Variants in BCL11B observed in about 807,000 individuals in gnomAD.
BCL11B encodes the protein B-cell lymphoma/leukemia 11B.
A neutral mutation model predicts 49.9 loss-of-function variants in BCL11B; 8 were observed. The observed-to-expected ratio is 0.16, with a 90% CI of 0.09 to 0.29. BCL11B has a LOEUF of 0.29. BCL11B is among the 10% of genes least tolerant of loss of function. The probability of loss-of-function intolerance (pLI) is 1.00; values close to 1 mark genes in which losing one functional copy is unlikely to be tolerated. For synonymous variants in BCL11B, 739 were observed against 637.4 expected (o/e 1.16, Z -2.40); for missense variants, 1,006 against 1,351.0 (o/e 0.74, Z 4.00).
intron 3 of BCL11B, among the ~76,000 whole-genome samples, chr14:99,189,853 C>A (rs1886970287): frequency 6.6e-6 from 1 of 152,176 alleles, no homozygotes. Flanking sequence ...CCAAGATGAC[C>A]CTTATCGGGG....
intron 2 of BCL11B, among the ~76,000 whole-genome samples, chr14:99,250,480 T>C (rs1471724778): frequency 6.6e-6 from 1 of 152,086 alleles, no homozygotes; most frequent in East Asian, 1.9e-4. Context: ...TCTCTTTGTT[T>C]CCTCAGTGAA....
intron 3 of BCL11B, among the ~76,000 whole-genome samples, chr14:99,189,638 G>A (rs1333670999): frequency 6.6e-6 from 1 of 152,200 alleles, no homozygotes; most frequent in Non-Finnish European, 1.5e-5. Context: ...TCCAGCCTGC[G>A]GCCCCAGCAG....
At position 99,268,329 on chromosome 14, in the gene BCL11B, C is replaced by T. The variant is rs1009077257; in HGVS notation, c.58+2832G>A. Among the ~76,000 whole-genome samples, 10 of 152,168 alleles carry T rather than the reference C, an allele frequency of 6.6e-5. No homozygotes were observed. In the South Asian group the frequency reaches 1.2e-3, roughly 19 times the overall value. ...AAGACCATGCGTGCTATTTGTGTGC[C>T]CTCTTGTTTCCCAGGCCATCAGTTA... On this transcript the variant is annotated intron_variant, in intron 1 of 3. Coordinates refer to ENST00000357195, the MANE Select transcript of BCL11B (RefSeq NM_138576.4).
chr14:99,229,078 G>GGATGGATGGATGGATA (rs1888247723), intron 3 of BCL11B, among the ~76,000 whole-genome samples: 1 of 148,504 alleles, frequency 6.7e-6, no homozygotes, highest in African/African-American at 2.6e-5. Context: ...ATGGATGGAT[G>GGATGGATGGATGGATA]GATGGATGGA....
chr14:99,175,380 C>G lies in BCL11B; in HGVS notation c.1456G>C (p.Gly486Arg), dbSNP rs1467652082. The change falls in exon 4 of 4, where the codon GGC becomes CGC. Residue 486 changes from glycine to arginine, a missense_variant. Transcript: ENST00000357195. ...GCCGAGAGCCCGTCGTCGGAGCGGC[C>G]GGCCAGCGAGCCGGCCTTGTGCATG... is the stretch of plus-strand genomic sequence containing the variant. ...THMHKAGSLAGRSDDGLSAAS... is the reference protein window; with the variant it reads ...THMHKAGSLARRSDDGLSAAS... 1.9e-6 allele frequency: 3 copies of G among 1,591,050 alleles called. No homozygotes were observed. In the African/African-American group the frequency reaches 4.1e-5, roughly 22 times the overall value.
Position 99,199,675 on chromosome 14 carries a change from TGTGTGTGTGC to T in BCL11B, c.641-23490_641-23481del, listed in dbSNP as rs779532543. Among the ~76,000 whole-genome samples, 233 of 84,818 alleles carry T rather than the reference TGTGTGTGTGC, an allele frequency of 2.7e-3. 1 individual carries two copies. Among genetic ancestry groups the T allele is most frequent in the African/African-American group, 9.6e-3 (207 of 21,628 alleles). 55.6% of individuals were successfully genotyped at this position (84,818 alleles called of 152,430 possible). A position where few individuals can be genotyped will look rare whatever the true frequency, so the allele number is the denominator to read the frequency against. On this transcript the variant is annotated intron_variant, in intron 3 of 3. Transcript: ENST00000357195. The stretch of plus-strand genomic sequence containing the variant: ...GTGTGTGTGTGTGTGTGTGTGTGTG[TGTGTGTGTGC>T]GCGCGCGCGCGCACGTGCACGTGTG...
chr14:99,243,235 G>A (rs1209378839), intron 2 of BCL11B, among the ~76,000 whole-genome samples: 1 of 152,128 alleles, frequency 6.6e-6, no homozygotes, highest in African/African-American at 2.4e-5. Context: ...AATGAATGGG[G>A]AAGTGGGGGA....
intron 3 of BCL11B, among the ~76,000 whole-genome samples, chr14:99,183,125 G>T (rs540858420): frequency 6.6e-6 from 1 of 152,230 alleles, no homozygotes; most frequent in Admixed American, 6.5e-5. Flanking sequence ...ACGCTAGGAG[G>T]AGTTCAGGGT....
At chr14:99,201,406 G>T (rs190067056) in intron 3 of BCL11B, among the ~76,000 whole-genome samples, 2 of 152,142 alleles carry the variant, frequency 1.3e-5, no homozygotes, top group African/African-American at 2.4e-5. Context: ...AACATGAATC[G>T]CTGTCATGAT....
chr14:99,217,371 TACACACACATACAGACAC>T (rs144037524), intron 3 of BCL11B, among the ~76,000 whole-genome samples: 2 of 145,106 alleles, frequency 1.4e-5, no homozygotes, highest in African/African-American at 2.6e-5. Context: ...AGTACAAATA[TACACACACATACAGACAC>T]ACACACACAC....
intron 2 of BCL11B, among the ~76,000 whole-genome samples, chr14:99,249,393 C>T (rs562039895): frequency 5.3e-4 from 81 of 152,330 alleles, no homozygotes; most frequent in African/African-American, 1.8e-3. Context: ...ACCAACCCAT[C>T]GCCTAGGTAT....
intron 3 of BCL11B, among the ~76,000 whole-genome samples, chr14:99,203,486 C>T (rs748902649): frequency 1.3e-5 from 2 of 152,184 alleles, no homozygotes; most frequent in South Asian, 2.1e-4. Context: ...AGGTGCACCA[C>T]GTTCCATCAG....
In BCL11B at chr14:99,194,977, C is replaced by T. The variant is rs911248276; in HGVS notation, c.641-18782G>A. Among the ~76,000 whole-genome samples, 5 of 152,154 alleles carry T rather than the reference C, an allele frequency of 3.3e-5. No individual in the cohort carries two copies. Among genetic ancestry groups the T allele is most frequent in the Non-Finnish European group, 5.9e-5 (4 of 68,032 alleles). On this transcript the variant is annotated intron_variant, in intron 3 of 3. Coordinates refer to ENST00000357195, the MANE Select transcript of BCL11B (RefSeq NM_138576.4). This position sits in a 1 kb window ranked among gnomAD's most constrained non-coding sequence, Gnocchi z 4.6. The stretch of plus-strand genomic sequence containing the variant: ...GGCAGGTCCAGCCAGCCTGCCCTTG[C>T]TCCTTCCACCAATAAGTCACCTTAG...
rs922420897 is a variant in BCL11B at position 99,237,243 on chromosome 14, T to C, written c.428-5686A>G. Among the ~76,000 whole-genome samples the C allele has an allele frequency of 5.3e-5, 8 of 151,910 alleles. 1 individual carries two copies. The highest frequency in any genetic ancestry group is 1.0e-4 in the Non-Finnish European group (7 of 67,940). On this transcript the variant is annotated intron_variant, in intron 2 of 3. Coordinates refer to ENST00000357195, the MANE Select transcript of BCL11B (RefSeq NM_138576.4). The stretch of plus-strand genomic sequence containing the variant: ...TTTCATTTCTTTTTTTTTCTTTTTT[T>C]TTTTTTTTAGCTTTTAATTACCAAG...
Position 99,192,894 on chromosome 14 carries a change from TGAGTGAATGAATGGATAAAA to T in BCL11B, c.641-16719_641-16700del, listed in dbSNP as rs1887075388. ...GTGAATGAATGAATGAATGAATGAA[TGAGTGAATGAATGGATAAAA>T]GAGTGAATGAATGAATGAGTAAATT... is the stretch of plus-strand genomic sequence containing the variant. On this transcript the variant is annotated intron_variant, in intron 3 of 3. Transcript: ENST00000357195. The surrounding 1 kb of genome is among the most constrained non-coding windows in gnomAD (Gnocchi z 4.0). Among the ~76,000 whole-genome samples, 1 of 152,112 alleles carries T rather than the reference TGAGTGAATGAATGGATAAAA, an allele frequency of 6.6e-6. No individual in the cohort carries two copies. Among genetic ancestry groups the T allele is most frequent in the East Asian group, 1.9e-4 (1 of 5,180 alleles).
intron 1 of BCL11B, among the ~76,000 whole-genome samples, chr14:99,259,962 T>C (rs1337715151): frequency 1.3e-5 from 2 of 152,344 alleles, no homozygotes; most frequent in East Asian, 3.9e-4. Flanking sequence ...TGAGCAATAC[T>C]GTTTATATTG....
rs893541601 is a variant in BCL11B at position 99,194,537 on chromosome 14, C to T, written c.641-18342G>A. Among the ~76,000 whole-genome samples, 2 of 152,264 alleles carry T rather than the reference C, an allele frequency of 1.3e-5. No homozygotes were observed. The highest frequency in any genetic ancestry group is 4.8e-5 in the African/African-American group (2 of 41,464). On this transcript the variant is annotated intron_variant, in intron 3 of 3. Coordinates refer to ENST00000357195, the MANE Select transcript of BCL11B (RefSeq NM_138576.4). This position sits in a 1 kb window ranked among gnomAD's most constrained non-coding sequence, Gnocchi z 4.6. ...ACTATGGGGTTCTATTCCCAACCAG[C>T]TATGACTCGGCAGTTATTAGCTGGG... is the stretch of plus-strand genomic sequence containing the variant.
At chr14:99,263,552 C>A (rs942481230) in intron 1 of BCL11B, among the ~76,000 whole-genome samples, 3 of 152,232 alleles carry the variant, frequency 2.0e-5, no homozygotes, top group African/African-American at 7.2e-5. Context: ...TCTACAGACT[C>A]CAGGCGGGAA....
chr14:99,191,676 G>A (rs576688962), intron 3 of BCL11B, among the ~76,000 whole-genome samples: 63 of 151,940 alleles, frequency 4.1e-4, no homozygotes, highest in African/African-American at 1.5e-3. Context: ...AGAGGGGGCA[G>A]GGGGACTGCA....
Sources: gnomAD v4.1 joint callset for allele counts (sites outside exome capture counted in the v4.1 genomes callset) on GRCh38, gnomAD v4.1.1 for gene constraint, Gnocchi (gnomAD v3.1) non-coding constraint, MANE v1.5 for transcripts, NCBI Gene and HGNC (gene_info 2026-07-23, HGNC 2026-07-21) for gene names.